The following CSPG5 variants were observed in gnomAD, a reference collection of about 807,000 sequenced individuals.
The protein encoded by CSPG5 is acidic leucine-rich EGF-like domain-containing brain protein.
A neutral mutation model predicts 39.8 loss-of-function variants in CSPG5; 25 were observed. The observed-to-expected ratio is 0.63, with a 90% CI of 0.46 to 0.88. The LOEUF (loss-of-function observed/expected upper bound fraction) is 0.88, where lower values mean the gene tolerates loss of function less well. Among genes scored for constraint, CSPG5 ranks in the 40% least tolerant of loss-of-function variants. The pLI, the probability that CSPG5 is intolerant of heterozygous loss-of-function variation, is 0.00. For missense variants in CSPG5, 627 were observed against 702.2 expected (o/e 0.89, Z 1.21); for synonymous variants, 295 against 303.9 (o/e 0.97, Z 0.31).
At chr3:47,564,194 G>A (rs2031201822) in intron 4 of CSPG5, among the ~76,000 whole-genome samples, 1 of 152,194 alleles carries the variant, frequency 6.6e-6, no homozygotes, top group Non-Finnish European at 1.5e-5. Context: ...TTACCATCAT[G>A]CTTAAGGACC....
intron 3 of CSPG5, among the ~76,000 whole-genome samples, chr3:47,570,604 G>A (rs1042001026): frequency 6.6e-6 from 1 of 151,756 alleles, no homozygotes; most frequent in Non-Finnish European, 1.5e-5. Context: ...CCACCTACTG[G>A]GTTCAAGCAT....
chr3:47,568,397 C>A (rs1387967516), intron 4 of CSPG5, among the ~76,000 whole-genome samples: 2 of 152,178 alleles, frequency 1.3e-5, no homozygotes, highest in African/African-American at 4.8e-5. Context: ...CTATTAGGAT[C>A]TTTTATTGGA....
chr3:47,562,789 GGA>G, intron 4 of CSPG5, 28 bp from the exon 5 acceptor site: 1 of 1,540,506 alleles, frequency 6.5e-7, no homozygotes, highest in Non-Finnish European at 8.9e-7. Flanking sequence ...TTGGGGGGGG[GGA>G]GACAATGCAT....
intron 2 of CSPG5, among the ~76,000 whole-genome samples, chr3:47,573,780 G>C (rs2031608363): frequency 6.6e-6 from 1 of 152,232 alleles, no homozygotes; most frequent in African/African-American, 2.4e-5. Flanking sequence ...ATCTAGAATA[G>C]GGTGGGGAGA....
chr3:47,579,046 C>G, upstream of CSPG5: 1 of 157,642 alleles, frequency 6.3e-6, no homozygotes, highest in Non-Finnish European at 1.4e-5. The surrounding 1 kb of genome is among the most constrained non-coding windows in gnomAD (Gnocchi z 4.2). Context: ...GGCAGGCGGA[C>G]GGGGAGCGCG....
Position 47,562,779 on chromosome 3 carries a change from T to G in CSPG5, c.1459-18A>C. On this transcript the variant is annotated intron_variant, in intron 4 of 4. Transcript: ENST00000264723. Reference sequence around the variant, plus strand: ...GGATCATCCTGGAAGAGGGAAAAAGTTGGGGGGGGGGAGACAATGCATACA... The same window carrying G: ...GGATCATCCTGGAAGAGGGAAAAAGGTGGGGGGGGGGAGACAATGCATACA... 2.8e-6 allele frequency: 4 copies of G among 1,433,618 alleles called. No homozygotes were observed. Among genetic ancestry groups the G allele is most frequent in the Non-Finnish European group, 2.9e-6 (3 of 1,029,454 alleles). The allele number at this position is 1,433,618 out of a possible 1,614,324, so 88.8% of individuals were successfully genotyped here.
rs1164455200 is a variant in CSPG5, at chr3:47,572,181, T to C, written c.1382+505A>G. On this transcript the variant is annotated intron_variant, in intron 3 of 4. Coordinates refer to ENST00000264723, the MANE Select transcript of CSPG5 (RefSeq NM_006574.4). The surrounding 1 kb of genome is among the most constrained non-coding windows in gnomAD (Gnocchi z 4.5). ...GACTAGCTTTCAAAAAGCAATGCAG[T>C]GTGGTGCTAAATAAACCCTTTCTCC... Among the ~76,000 whole-genome samples, 2 of 152,170 alleles carry C rather than the reference T, an allele frequency of 1.3e-5. No individual in the cohort carries two copies. The highest frequency in any genetic ancestry group is 4.8e-5 in the African/African-American group (2 of 41,436).
In CSPG5 at chr3:47,572,565, A is replaced by C; in HGVS notation, c.1382+121T>G. ...TTTAGCACAGACAAAACAGCTGGGA[A>C]TGGAGCACAGGTGCCAGAAACCCTC... On this transcript the variant is annotated intron_variant, in intron 3 of 4. Transcript: ENST00000264723. The surrounding 1 kb of genome is among the most constrained non-coding windows in gnomAD (Gnocchi z 4.5). 1 of 813,874 alleles carries C rather than the reference A, an allele frequency of 1.2e-6. No homozygotes were observed. The highest frequency in any genetic ancestry group is 2.0e-6 in the Non-Finnish European group (1 of 493,772). The allele number at this position is 813,874 out of a possible 1,614,324, so 50.4% of individuals were successfully genotyped here. A position where few individuals can be genotyped will look rare whatever the true frequency, so the allele number is the denominator to read the frequency against.
Position 47,577,043 on chromosome 3 carries a change from G to C in CSPG5, c.983C>G (p.Thr328Ser), listed in dbSNP as rs1328368620. The C allele has an allele frequency of 6.2e-7, 1 of 1,613,532 alleles. No individual in the cohort carries two copies. The highest frequency in any genetic ancestry group is 8.5e-7 in the Non-Finnish European group (1 of 1,179,874). ...SRWHAVPPQHTLGSVPGSSIA... is the reference protein window; with the variant it reads ...SRWHAVPPQHSLGSVPGSSIA... ...GCTGCTGCCGGGGACCGACCCCAGA[G>C]TGTGCTGTGGAGGGACAGCATGCCA... Residue 328 changes from threonine (T) to serine (S), a missense_variant, in exon 2 of 5, where the codon ACT becomes AGT. Thr to Ser is a moderately conservative substitution (Grantham distance 58, BLOSUM62 1). Coordinates refer to ENST00000264723, the MANE Select transcript of CSPG5 (RefSeq NM_006574.4). This position sits in a 1 kb window ranked among gnomAD's most constrained non-coding sequence, Gnocchi z 4.7.
chr3:47,572,942 C>T lies in CSPG5; in HGVS notation c.1194-68G>A. 1 of 1,399,688 alleles carries T rather than the reference C, an allele frequency of 7.1e-7. No individual in the cohort carries two copies. Among genetic ancestry groups the T allele is most frequent in the Non-Finnish European group, 9.8e-7 (1 of 1,019,740 alleles). The allele number at this position is 1,399,688 out of a possible 1,614,324, so 86.7% of individuals were successfully genotyped here. On this transcript the variant is annotated intron_variant, in intron 2 of 4. Coordinates refer to ENST00000264723, the MANE Select transcript of CSPG5 (RefSeq NM_006574.4). This position sits in a 1 kb window ranked among gnomAD's most constrained non-coding sequence, Gnocchi z 4.5. Reference sequence around the variant, plus strand: ...GCCACGGCCACAGTAAGGGCCTGGGCCCTGACCCCAACACCTATCTCCACA... The same window carrying T: ...GCCACGGCCACAGTAAGGGCCTGGGTCCTGACCCCAACACCTATCTCCACA...
chr3:47,577,121 A>T lies in CSPG5; in HGVS notation c.905T>A (p.Val302Glu). ...CCCCAGACCAGGCTTCCCAGTGGGC[A>T]CTAGAAGCTCATTTTCATCTTCTAG... ...GDLEDENELLVPTGKPGLGPG... is the reference protein window; with the variant it reads ...GDLEDENELLEPTGKPGLGPG... The change falls in exon 2 of 5, where the codon GTG (valine) becomes GAG (glutamate). Residue 302 changes from valine (V) to glutamate (E), a missense_variant. Val to Glu is a moderately radical substitution (Grantham distance 121). Transcript: ENST00000264723. This position sits in a 1 kb window ranked among gnomAD's most constrained non-coding sequence, Gnocchi z 4.7. 1 of 1,613,972 alleles carries T rather than the reference A, an allele frequency of 6.2e-7. No homozygotes were observed. The highest frequency in any genetic ancestry group is 1.7e-5 in the Admixed American group (1 of 60,026).
Position 47,572,730 on chromosome 3 carries a change from C to T in CSPG5, c.1338G>A (p.Lys446=), listed in dbSNP as rs150120079. The T allele has an allele frequency of 7.5e-5, 121 of 1,614,176 alleles. No individual in the cohort carries two copies. The African/African-American group carries it at 1.4e-3, about 19-fold the overall frequency. Reference sequence around the variant, plus strand: ...TATTCTCCGTCTTGAGCAGGTAGAGCTTCTTGGCAAAGAACACCGTCATCA... The same window carrying T: ...TATTCTCCGTCTTGAGCAGGTAGAGTTTCTTGGCAAAGAACACCGTCATCA... ...LFMMTVFFAK[K]LYLLKTENTK... is the part of the protein sequence containing the mutation. Residue 446 remains lysine (K), a synonymous_variant, in exon 3 of 5, where the codon AAG becomes AAA. Coordinates refer to ENST00000264723, the MANE Select transcript of CSPG5 (RefSeq NM_006574.4). The surrounding 1 kb of genome is among the most constrained non-coding windows in gnomAD (Gnocchi z 4.5).
In CSPG5 at chr3:47,569,603, C is replaced by CA. The variant is rs751431992; in HGVS notation, c.1383-377dup. On this transcript the variant is annotated intron_variant, in intron 3 of 4. Transcript: ENST00000264723. ...TGGCTGACAGAGCGAGACTCCATCT[C>CA]AAAAAAAAAAAAATTACAAAAAATC... 9.4e-3 allele frequency among the ~76,000 whole-genome samples: 1,210 copies of CA among 129,154 alleles called. 4 individuals are homozygous for CA. The highest frequency in any genetic ancestry group is 0.017 in the Middle Eastern group (4 of 236). 84.7% of individuals were successfully genotyped at this position (129,154 alleles called of 152,430 possible).
In CSPG5 at chr3:47,578,215, C is replaced by A; in HGVS notation, c.98-287G>T. Reference sequence around the variant, plus strand: ...CAGGCCAGGGCGGCCCCCAGCTCGGCCCACCCATAAGTCTCACCCTCGGGA... The same window carrying A: ...CAGGCCAGGGCGGCCCCCAGCTCGGACCACCCATAAGTCTCACCCTCGGGA... On this transcript the variant is annotated intron_variant, in intron 1 of 4. Transcript: ENST00000264723. This position sits in a 1 kb window ranked among gnomAD's most constrained non-coding sequence, Gnocchi z 6.0. 2.7e-6 allele frequency: 1 copy of A among 375,778 alleles called. No homozygotes were observed. Among genetic ancestry groups the A allele is most frequent in the Non-Finnish European group, 4.6e-6 (1 of 219,108 alleles). The allele number at this position is 375,778 out of a possible 1,614,324, so 23.3% of individuals were successfully genotyped here. A position where few individuals can be genotyped will look rare whatever the true frequency, so the allele number is the denominator to read the frequency against.
Position 47,578,684 on chromosome 3 carries a change from C to G in CSPG5, c.10G>C (p.Ala4Pro). Residue 4 changes from alanine (A) to proline (P), a missense_variant, in exon 1 of 5, where the codon GCC becomes CCC. Physicochemically the swap from Ala to Pro is conservative, Grantham distance 27. Coordinates refer to ENST00000264723, the MANE Select transcript of CSPG5 (RefSeq NM_006574.4). This position sits in a 1 kb window ranked among gnomAD's most constrained non-coding sequence, Gnocchi z 6.0. ...CCCCGGCCCGGGCCCCCGCCCCCGG[C>G]TCGCCCCATGGCGCGGCGCCCCGAC... is the stretch of plus-strand genomic sequence containing the variant. Reference protein sequence around the residue: MGRAGGGGPGRGPP... With the variant: MGRPGGGGPGRGPP... The G allele has an allele frequency of 9.6e-7, 1 of 1,039,834 alleles. No homozygotes were observed. The highest frequency in any genetic ancestry group is 1.7e-5 in the African/African-American group (1 of 58,540). The allele number at this position is 1,039,834 out of a possible 1,614,324, so 64.4% of individuals were successfully genotyped here. A position where few individuals can be genotyped will look rare whatever the true frequency, so the allele number is the denominator to read the frequency against.
chr3:47,564,640 A>C (rs1199942593), intron 4 of CSPG5, among the ~76,000 whole-genome samples: 1 of 152,180 alleles, frequency 6.6e-6, no homozygotes, highest in Admixed American at 6.5e-5. Flanking sequence ...GAATCACAAA[A>C]CACTGTGCAG....
rs368546280 is a variant in CSPG5, at chr3:47,572,817, G to C, written c.1251C>G (p.Thr417=). 5.0e-6 allele frequency: 8 copies of C among 1,614,100 alleles called. No individual in the cohort carries two copies. The South Asian group carries it at 8.8e-5, about 18-fold the overall frequency. Residue 417 remains threonine, a synonymous_variant, in exon 3 of 5, where the codon ACC becomes ACG. Coordinates refer to ENST00000264723, the MANE Select transcript of CSPG5 (RefSeq NM_006574.4). This position sits in a 1 kb window ranked among gnomAD's most constrained non-coding sequence, Gnocchi z 4.5. ...CGGCCACGCACATCACCTGGAAGTC[G>C]GTGATGATGGACTCGCAGCGCATCC... ...HKGMRCESII[T]DFQVMCVAVG...
intron 4 of CSPG5, among the ~76,000 whole-genome samples, chr3:47,564,534 A>G (rs572885781): frequency 2.0e-5 from 3 of 152,310 alleles, no homozygotes; most frequent in African/African-American, 7.2e-5. Context: ...ATGAGACAAG[A>G]ACAAGAAAAT....
chr3:47,574,999 C>T (rs561425602), intron 2 of CSPG5, among the ~76,000 whole-genome samples: 8 of 152,146 alleles, frequency 5.3e-5, no homozygotes, highest in Non-Finnish European at 8.8e-5. Flanking sequence ...TAAGTTACAA[C>T]GCCAAGGACA....
Sources: allele counts gnomAD v4.1 joint callset (sites outside exome capture counted in the v4.1 genomes callset), GRCh38; gene constraint gnomAD v4.1.1; non-coding constraint Gnocchi (gnomAD v3.1); transcripts MANE v1.5; gene names NCBI Gene and HGNC (gene_info 2026-07-23, HGNC 2026-07-21).